The following PPP1R8 variants were observed in gnomAD, a reference collection of about 807,000 sequenced individuals.
The protein encoded by PPP1R8 is protein phosphatase 1 regulatory subunit 8, also known as nuclear inhibitor of protein phosphatase 1.
A neutral mutation model predicts 31.3 loss-of-function variants in PPP1R8; 4 were observed. The ratio of observed to expected loss-of-function variants is 0.13; its 90% confidence interval spans 0.06 to 0.29. The LOEUF (loss-of-function observed/expected upper bound fraction) is 0.29. PPP1R8 is among the 10% of genes least tolerant of loss of function. The probability of loss-of-function intolerance (pLI) is 1.00; values close to 1 mark genes in which losing one functional copy is unlikely to be tolerated. For synonymous variants in PPP1R8, 170 were observed against 169.7 expected (o/e 1.00, Z -0.01); for missense variants, 254 against 440.1 (o/e 0.58, Z 3.78).
rs780099546 is a variant in PPP1R8 at position 27,841,205 on chromosome 1, G to A, written c.463G>A (p.Gly155Arg). 2 of 1,614,166 alleles carry A rather than the reference G, an allele frequency of 1.2e-6. No individual in the cohort carries two copies. Among genetic ancestry groups the A allele is most frequent in the Admixed American group, 1.7e-5 (1 of 60,020 alleles). ...GEDDELKGLL[G>R]LPEEETELDN... ...GGATGATGAACTCAAGGGCTTACTG[G>A]GGCTTCCAGAGGAGGAAACTGAGCT... is the stretch of plus-strand genomic sequence containing the variant. The change falls in exon 4 of 7, where the codon GGG becomes AGG. Residue 155 changes from glycine to arginine, a missense_variant. Gly to Arg is a moderately radical substitution (Grantham distance 125, BLOSUM62 -2). Transcript: ENST00000311772.
At chr1:27,845,783 C>CTTTCT (rs1213199027) in intron 5 of PPP1R8, among the ~76,000 whole-genome samples, 2 of 91,834 alleles carry the variant, frequency 2.2e-5, no homozygotes, top group African/African-American at 1.0e-4. Flanking sequence ...TTCTTTCTTT[C>CTTTCT]TTTTTTTTTT....
rs369959329 is a variant in PPP1R8 at position 27,834,361 on chromosome 1, G to A, written c.117+1545G>A. On this transcript the variant is annotated intron_variant, in intron 2 of 6. Coordinates refer to ENST00000311772, the MANE Select transcript of PPP1R8 (RefSeq NM_014110.5). Reference sequence around the variant, plus strand: ...AGACATCACTGTATTCTTGAGAGGCGTAGACCTGAGATGTGCTTATTTTTA... The same window carrying A: ...AGACATCACTGTATTCTTGAGAGGCATAGACCTGAGATGTGCTTATTTTTA... The A allele has an allele frequency of 5.3e-5, 27 of 509,938 alleles. No homozygotes were observed. The East Asian group carries it at 1.1e-3, about 21-fold the overall frequency. 31.6% of individuals were successfully genotyped at this position (509,938 alleles called of 1,614,324 possible). A position where few individuals can be genotyped will look rare whatever the true frequency, so the allele number is the denominator to read the frequency against.
chr1:27,847,116 A>G, intron 6 of PPP1R8, 24 bp downstream of exon 6: 1 of 1,609,324 alleles, frequency 6.2e-7, no homozygotes, highest in South Asian at 1.1e-5. Context: ...GAAATGCCAT[A>G]CAGTCTGTGT....
chr1:27,841,587 A>G (rs1417449291), intron 4 of PPP1R8, among the ~76,000 whole-genome samples: 2 of 152,236 alleles, frequency 1.3e-5, no homozygotes, highest in African/African-American at 2.4e-5. Flanking sequence ...GCCACTAACA[A>G]TATTTCAAGT....
intron 4 of PPP1R8, among the ~76,000 whole-genome samples, chr1:27,842,802 G>A (rs992433732): frequency 6.6e-6 from 1 of 152,130 alleles, no homozygotes; most frequent in Non-Finnish European, 1.5e-5. Context: ...AATTCTTGGC[G>A]TTCCTTCCAG....
chr1:27,831,080 A>G, intron 1 of PPP1R8, 189 bp downstream of exon 1: 2 of 1,371,680 alleles, frequency 1.5e-6, no homozygotes, highest in South Asian at 1.7e-5. Flanking sequence ...GCCCAGGCCC[A>G]GGAACTGAAG....
chr1:27,830,917 G>T, intron 1 of PPP1R8, 26 bp downstream of exon 1: 4 of 1,547,206 alleles, frequency 2.6e-6, no homozygotes, highest in Non-Finnish European at 3.5e-6. Flanking sequence ...GCCAGGGCTA[G>T]AGTGGCCCGG....
At chr1:27,849,366 T>C (rs1416874582) in intron 6 of PPP1R8, among the ~76,000 whole-genome samples, 1 of 135,590 alleles carries the variant, frequency 7.4e-6, no homozygotes, top group Admixed American at 7.3e-5. Context: ...AGTGAAACTC[T>C]GTCTCAAAAA....
chr1:27,848,841 G>A (rs908141840), intron 6 of PPP1R8, among the ~76,000 whole-genome samples: 1 of 152,092 alleles, frequency 6.6e-6, no homozygotes, highest in Admixed American at 6.5e-5. Flanking sequence ...ATCAACAGGT[G>A]TATAGTTTTA....
chr1:27,845,783 CTTTTTTTTTTTTTTTT>C (rs773994854), intron 5 of PPP1R8, among the ~76,000 whole-genome samples: 13 of 91,834 alleles, frequency 1.4e-4, no homozygotes, highest in African/African-American at 6.0e-4. Flanking sequence ...TTCTTTCTTT[CTTTTTTTTTTTTTTTT>C]TTTTTTTTGA....
At chr1:27,845,121 T>G (rs2089262928) in intron 5 of PPP1R8, among the ~76,000 whole-genome samples, 1 of 142,572 alleles carries the variant, frequency 7.0e-6, no homozygotes, top group Non-Finnish European at 1.5e-5. Flanking sequence ...CCGGGCACGG[T>G]GGCTCACCCC....
intron 6 of PPP1R8, among the ~76,000 whole-genome samples, chr1:27,848,921 T>C (rs2089311876): frequency 6.6e-6 from 1 of 152,204 alleles, no homozygotes; most frequent in Non-Finnish European, 1.5e-5. Context: ...TTTTGGCAAA[T>C]ATATGTGTAA....
At position 27,850,614 on chromosome 1, in the gene PPP1R8, G is replaced by A. The variant is rs949572189; in HGVS notation, c.*168G>A. ...GACAATTGGGGGTGGGGTTGAAATAGCCCATAAAGACCTGTCTTCACAACA... is the reference window on the plus strand; with the variant it reads ...GACAATTGGGGGTGGGGTTGAAATAACCCATAAAGACCTGTCTTCACAACA... On this transcript the variant is annotated 3_prime_UTR_variant, in exon 7 of 7. Transcript: ENST00000311772. 4.7e-6 allele frequency: 3 copies of A among 635,222 alleles called. No homozygotes were observed. The highest frequency in any genetic ancestry group is 1.8e-5 in the African/African-American group (1 of 54,596). The allele number at this position is 635,222 out of a possible 1,614,324, so 39.3% of individuals were successfully genotyped here.
chr1:27,833,835 T>C (rs1030920456), intron 2 of PPP1R8, among the ~76,000 whole-genome samples: 3 of 152,232 alleles, frequency 2.0e-5, no homozygotes, highest in African/African-American at 7.2e-5. Flanking sequence ...TTTTGAGATG[T>C]TGTAGAGATA....
Position 27,851,583 on chromosome 1 carries a change from G to T in PPP1R8, c.*1137G>T, listed in dbSNP as rs1231646443. The T allele has an allele frequency of 2.0e-6, 1 of 511,782 alleles. No homozygotes were observed. The highest frequency in any genetic ancestry group is 1.4e-5 in the South Asian group (1 of 69,744). 31.7% of individuals were successfully genotyped at this position (511,782 alleles called of 1,614,324 possible). On this transcript the variant is annotated 3_prime_UTR_variant, in exon 7 of 7. Transcript: ENST00000311772. Reference sequence around the variant, plus strand: ...AGTCACTGATTGCCACTGCCATCTGGAAATGTTTGCTAAAGGCACAGTCAC... The same window carrying T: ...AGTCACTGATTGCCACTGCCATCTGTAAATGTTTGCTAAAGGCACAGTCAC...
chr1:27,843,361 A>G, intron 5 of PPP1R8, 31 bp downstream of exon 5: 1 of 1,613,942 alleles, frequency 6.2e-7, no homozygotes, highest in Non-Finnish European at 8.5e-7. Context: ...ATTCTGATGA[A>G]AAAGCTGTGG....
chr1:27,834,474 G>C (rs1299601119), intron 2 of PPP1R8: 1 of 519,072 alleles, frequency 1.9e-6, no homozygotes, highest in Admixed American at 1.9e-5. Flanking sequence ...GTGATAGCTG[G>C]GTTTAAGAAG....
At chr1:27,834,281 T>C in intron 2 of PPP1R8, 1 of 380,156 alleles carries the variant, frequency 2.6e-6, no homozygotes, top group Non-Finnish European at 5.3e-6. Context: ...TAACGTTCTC[T>C]TTCGATGTTG....
intron 5 of PPP1R8, 80 bp from the exon 6 acceptor site, chr1:27,846,948 G>A (rs748978259): frequency 9.8e-5 from 115 of 1,169,368 alleles, no homozygotes; most frequent in Admixed American, 2.0e-4. Flanking sequence ...TTGTTGTGAT[G>A]GTTTGTTTGC....
Sources: gnomAD v4.1 joint callset for allele counts (sites outside exome capture counted in the v4.1 genomes callset) on GRCh38, gnomAD v4.1.1 for gene constraint, MANE v1.5 for transcripts, NCBI Gene and HGNC (gene_info 2026-07-23, HGNC 2026-07-21) for gene names.